PID1: variants seen among roughly 807,000 people sequenced by gnomAD.
The protein encoded by PID1 is phosphotyrosine interaction domain containing 1.
Under a neutral mutation model 19.1 loss-of-function variants are expected in PID1, and 10 were observed. The ratio of observed to expected loss-of-function variants is 0.52; its 90% CI spans 0.32 to 0.89. PID1 has a LOEUF of 0.89. PID1 is among the 40% of genes least tolerant of loss of function. The probability of loss-of-function intolerance (pLI) is 0.03; values close to 1 mark genes in which losing one functional copy is unlikely to be tolerated. For synonymous variants in PID1, 130 were observed against 116.0 expected, an observed-to-expected ratio of 1.12 and a Z score of -0.78; for missense variants, 248 against 285.3, an observed-to-expected ratio of 0.87 and a Z score of 0.94.
At chr2:229,066,942 T>A (rs1694339323) in intron 2 of PID1, among the ~76,000 whole-genome samples, 1 of 152,098 alleles carries the variant, frequency 6.6e-6, no homozygotes, top group Non-Finnish European at 1.5e-5. Flanking sequence ...ATATATGCCA[T>A]CGTTACTATC....
At chr2:229,082,032 T>C (rs1289082362) in intron 2 of PID1, among the ~76,000 whole-genome samples, 1 of 152,090 alleles carries the variant, frequency 6.6e-6, no homozygotes, top group Non-Finnish European at 1.5e-5. Context: ...TAACAGAAAA[T>C]GTGCATAAAA....
In PID1 at chr2:229,144,596, C is replaced by T. The variant is rs147060818; in HGVS notation, c.177+11222G>A. On this transcript the variant is annotated intron_variant, in intron 2 of 2. Coordinates refer to ENST00000392055, the MANE Select transcript of PID1 (RefSeq NM_001100818.2). ...GAGTTCACTAAACTTTCAGAAGTAA[C>T]TATACTAGCAAAACGGAGGAAAGAG... Among the ~76,000 whole-genome samples the T allele has an allele frequency of 1.2e-4, 19 of 152,152 alleles. No homozygotes were observed. In the East Asian group the frequency reaches 3.7e-3, roughly 29 times the overall value.
At chr2:229,222,979 G>C (rs1281093025) in intron 1 of PID1, among the ~76,000 whole-genome samples, 4 of 151,870 alleles carry the variant, frequency 2.6e-5, no homozygotes, top group Non-Finnish European at 5.9e-5. Flanking sequence ...CCTGTTATGA[G>C]ACCTTTAGGT....
intron 1 of PID1, among the ~76,000 whole-genome samples, chr2:229,158,791 T>C (rs1690433605): frequency 1.3e-5 from 2 of 152,108 alleles, no homozygotes; most frequent in Non-Finnish European, 2.9e-5. Context: ...CTTTAAAAAG[T>C]AGAGATCATT....
At chr2:229,166,312 ACG>A (rs1690596203) in intron 1 of PID1, among the ~76,000 whole-genome samples, 3 of 109,866 alleles carry the variant, frequency 2.7e-5, no homozygotes, top group Non-Finnish European at 4.2e-5. Flanking sequence ...ATAGTGAGGA[ACG>A]AAGAGAGGAG....
chr2:229,062,592 G>C (rs1190907698), intron 2 of PID1, among the ~76,000 whole-genome samples: 1 of 151,748 alleles, frequency 6.6e-6, no homozygotes, highest in Non-Finnish European at 1.5e-5. Flanking sequence ...TGGTGATGAT[G>C]ATTACCAAAA....
chr2:229,256,790 G>A (rs1414038809), intron 1 of PID1, among the ~76,000 whole-genome samples: 1 of 152,190 alleles, frequency 6.6e-6, no homozygotes, highest in African/African-American at 2.4e-5. Context: ...AGATGTGCCG[G>A]ATACTAAGCT....
chr2:229,109,346 CA>C (rs924537010), intron 2 of PID1, among the ~76,000 whole-genome samples: 51 of 149,634 alleles, frequency 3.4e-4, no homozygotes, highest in African/African-American at 1.2e-3. Flanking sequence ...GGCAAGGAGT[CA>C]AAAAAAAAGC....
chr2:229,232,788 AATAT>A (rs3997299), intron 1 of PID1, among the ~76,000 whole-genome samples: 5,414 of 139,646 alleles, frequency 0.039, 141 homozygotes, highest in African/African-American at 0.073. Context: ...CACACACATA[AATAT>A]ATATATATAT....
At chr2:229,205,359 T>G (rs1241371061) in intron 1 of PID1, among the ~76,000 whole-genome samples, 3 of 152,116 alleles carry the variant, frequency 2.0e-5, no homozygotes, top group Non-Finnish European at 4.4e-5. Flanking sequence ...CTAAGTAATC[T>G]TGATTTATTT....
intron 2 of PID1, among the ~76,000 whole-genome samples, chr2:229,078,892 T>TG (rs1377212800): frequency 6.6e-6 from 1 of 151,876 alleles, no homozygotes; most frequent in African/African-American, 2.4e-5. Context: ...TGCTTTGCAA[T>TG]GGAAAAAAAA....
At chr2:229,026,228 C>A (rs1693420045) in intron 2 of PID1, 120 bp from the exon 3 acceptor site, 1 of 697,258 alleles carries the variant, frequency 1.4e-6, no homozygotes, top group Non-Finnish European at 2.5e-6. Flanking sequence ...GAAGACACTT[C>A]TTTCTTGCTC....
At chr2:229,163,650 AGT>A (rs796992081) in intron 1 of PID1, among the ~76,000 whole-genome samples, 251 of 141,048 alleles carry the variant, frequency 1.8e-3, no homozygotes, top group African/African-American at 6.1e-3. Context: ...AGAGAGAGAG[AGT>A]GTGTGTGTGT....
At chr2:229,068,143 A>G (rs113663213) in intron 2 of PID1, among the ~76,000 whole-genome samples, 205 of 152,306 alleles carry the variant, frequency 1.3e-3, no homozygotes, top group African/African-American at 4.7e-3. Context: ...GCCCACTGCA[A>G]TGAGCTCCAT....
rs538762438 is a variant in PID1 at position 229,062,213 on chromosome 2, T to C, written c.178-36105A>G. Among the ~76,000 whole-genome samples the C allele has an allele frequency of 2.3e-4, 35 of 152,104 alleles. 1 individual carries two copies. The South Asian group carries it at 6.6e-3, about 29-fold the overall frequency. ...CATCTTTTCACTGTGGGGTATGATGTTAACTGTGGGCTTTTGTATACGGAC... is the reference window on the plus strand; with the variant it reads ...CATCTTTTCACTGTGGGGTATGATGCTAACTGTGGGCTTTTGTATACGGAC... On this transcript the variant is annotated intron_variant, in intron 2 of 2. Transcript: ENST00000392055.
At chr2:229,203,815 C>CTAA (rs1341453882) in intron 1 of PID1, among the ~76,000 whole-genome samples, 1 of 152,098 alleles carries the variant, frequency 6.6e-6, no homozygotes, top group African/African-American at 2.4e-5. Context: ...AGCATGGAGA[C>CTAA]TAATGCCTTG....
chr2:229,264,537 C>T (rs1208773408), intron 1 of PID1, among the ~76,000 whole-genome samples: 1 of 152,148 alleles, frequency 6.6e-6, no homozygotes. Flanking sequence ...ATATGAACCT[C>T]CATCATCTTC....
chr2:229,096,068 G>A (rs904836605), intron 2 of PID1, among the ~76,000 whole-genome samples: 5 of 152,142 alleles, frequency 3.3e-5, no homozygotes, highest in African/African-American at 4.8e-5. Context: ...ATAGAGAAAT[G>A]TCCACAGGCA....
At chr2:229,157,252 A>C (rs1236886944) in intron 1 of PID1, among the ~76,000 whole-genome samples, 2 of 152,102 alleles carry the variant, frequency 1.3e-5, no homozygotes, top group Admixed American at 6.6e-5. Flanking sequence ...CAACATGGTG[A>C]AACCCTGTCT....
Sources: allele counts gnomAD v4.1 joint callset (sites outside exome capture counted in the v4.1 genomes callset), GRCh38; gene constraint gnomAD v4.1.1; transcripts MANE v1.5; gene names NCBI Gene and HGNC (gene_info 2026-07-23, HGNC 2026-07-21).